The following CTNNA3 variants were observed in gnomAD, a reference collection of about 807,000 sequenced individuals.
CTNNA3 encodes catenin alpha-3.
Under a neutral mutation model 95.7 loss-of-function variants are expected in CTNNA3, and 76 were observed. The ratio of observed to expected loss-of-function variants is 0.79; its 90% CI spans 0.66 to 0.96. The LOEUF (loss-of-function observed/expected upper bound fraction) is 0.96, where lower values mean the gene tolerates loss of function less well. Among genes scored for constraint, CTNNA3 ranks in the 40% least tolerant of loss-of-function variants. CTNNA3 has a pLI of 0.00. For synonymous variants in CTNNA3, 431 were observed against 374.4 expected (o/e 1.15, Z -1.74); for missense variants, 1,191 against 1,089.8 (o/e 1.09, Z -1.31).
At chr10:67,692,555 A>C (rs1840886859) in intron 1 of CTNNA3, among the ~76,000 whole-genome samples, 1 of 138,858 alleles carries the variant, frequency 7.2e-6, no homozygotes, top group East Asian at 2.0e-4. Context: ...GCTCCTTAAG[A>C]GTCATCACCA....
intron 6 of CTNNA3, among the ~76,000 whole-genome samples, chr10:67,189,719 G>A (rs1030099953): frequency 6.6e-6 from 1 of 152,028 alleles, no homozygotes; most frequent in Non-Finnish European, 1.5e-5. Flanking sequence ...GCTAGAAGCA[G>A]AAAGACTGAA....
At chr10:67,620,903 A>ATG (rs1244995621) in intron 2 of CTNNA3, among the ~76,000 whole-genome samples, 3,385 of 125,986 alleles carry the variant, frequency 0.027, 81 homozygotes, top group African/African-American at 0.037. Context: ...ATATATGTAT[A>ATG]TGTGTGTGTG....
Position 66,927,069 on chromosome 10 carries a change from A to C in CTNNA3, c.1048-151545T>G. 2 of 1,614,182 alleles carry C rather than the reference A, an allele frequency of 1.2e-6. No individual in the cohort carries two copies. Among genetic ancestry groups the C allele is most frequent in the Non-Finnish European group, 1.7e-6 (2 of 1,180,040 alleles). On this transcript the variant is annotated intron_variant, in intron 7 of 17. Transcript: ENST00000433211. This position sits in a 1 kb window ranked among gnomAD's most constrained non-coding sequence, Gnocchi z 4.7. ...AAATGGTATATTGTGAATCTCAGAA[A>C]TTACAGGAGATACCCTCAAGTATAT... is the stretch of plus-strand genomic sequence containing the variant.
chr10:67,588,220 A>T (rs12265217), intron 3 of CTNNA3, among the ~76,000 whole-genome samples: 19,494 of 139,698 alleles, frequency 0.14, 2,259 homozygotes, highest in African/African-American at 0.35. Flanking sequence ...TTTTGTTAAG[A>T]TCTATCTTAT....
intron 15 of CTNNA3, among the ~76,000 whole-genome samples, chr10:66,007,780 T>TTCC (rs374562601): frequency 0.019 from 2,143 of 110,304 alleles, 103 homozygotes; most frequent in African/African-American, 0.074. Flanking sequence ...CTTCCTTCCT[T>TTCC]TCCTCCCTTC....
At chr10:66,759,962 C>A (rs895981756) in intron 9 of CTNNA3, among the ~76,000 whole-genome samples, 2 of 152,064 alleles carry the variant, frequency 1.3e-5, no homozygotes, top group African/African-American at 4.8e-5. Context: ...CATGTAATTT[C>A]TTTCAATTCC....
intron 10 of CTNNA3, among the ~76,000 whole-genome samples, chr10:66,591,587 C>G (rs1046459806): frequency 2.0e-5 from 3 of 152,164 alleles, no homozygotes; most frequent in African/African-American, 7.2e-5. Flanking sequence ...CTGAAACTTA[C>G]CCCTCTTTTA....
intron 12 of CTNNA3, among the ~76,000 whole-genome samples, chr10:66,312,840 C>T (rs1019155498): frequency 6.6e-6 from 1 of 152,156 alleles, no homozygotes; most frequent in Non-Finnish European, 1.5e-5. Context: ...CTACAATGCC[C>T]GGTGGGATTG....
At chr10:65,950,055 A>G (rs1015619519) in intron 17 of CTNNA3, among the ~76,000 whole-genome samples, 1 of 152,184 alleles carries the variant, frequency 6.6e-6, no homozygotes, top group East Asian at 1.9e-4. Context: ...AAAAAAATCA[A>G]TGTTTAATAA....
intron 11 of CTNNA3, among the ~76,000 whole-genome samples, chr10:66,431,015 G>T (rs1446606654): frequency 6.6e-6 from 1 of 151,560 alleles, no homozygotes; most frequent in Non-Finnish European, 1.5e-5. Context: ...CTGACAAAGG[G>T]CTAATATCCA....
intron 5 of CTNNA3, among the ~76,000 whole-genome samples, chr10:67,225,186 C>G (rs1003526665): frequency 6.6e-6 from 1 of 152,124 alleles, no homozygotes; most frequent in Middle Eastern, 3.2e-3. Flanking sequence ...ACCTGGGAAT[C>G]TCACTCCCAC....
chr10:67,269,969 G>A (rs1838896831), intron 5 of CTNNA3, among the ~76,000 whole-genome samples: 1 of 152,034 alleles, frequency 6.6e-6, no homozygotes, highest in Admixed American at 6.6e-5. Flanking sequence ...TGCCTTTGAG[G>A]TCTGTACTGA....
At chr10:66,210,875 A>T (rs1589741336) in intron 13 of CTNNA3, among the ~76,000 whole-genome samples, 1 of 152,324 alleles carries the variant, frequency 6.6e-6, no homozygotes, top group Admixed American at 6.5e-5. Context: ...TTTGGGGCCT[A>T]GGCCACCTTG....
chr10:66,092,978 G>A (rs770373312), intron 14 of CTNNA3, among the ~76,000 whole-genome samples: 3 of 151,758 alleles, frequency 2.0e-5, no homozygotes, highest in Non-Finnish European at 2.9e-5. Flanking sequence ...ATTAGCTATT[G>A]AATATTAATT....
intron 5 of CTNNA3, among the ~76,000 whole-genome samples, chr10:67,353,312 A>G (rs1564589236): frequency 1.3e-5 from 2 of 151,946 alleles, no homozygotes; most frequent in African/African-American, 4.8e-5. Context: ...GAACTACAAA[A>G]AGAGAGAGAG....
chr10:66,330,058 G>A (rs2092305854), intron 12 of CTNNA3, among the ~76,000 whole-genome samples: 1 of 151,978 alleles, frequency 6.6e-6, no homozygotes, highest in Admixed American at 6.6e-5. Context: ...TGAAAAAGAA[G>A]TAAGCACATA....
intron 11 of CTNNA3, among the ~76,000 whole-genome samples, chr10:66,422,860 C>A (rs2093207149): frequency 7.5e-6 from 1 of 134,126 alleles, no homozygotes; most frequent in African/African-American, 3.0e-5. Context: ...GAACCCCTGA[C>A]CTCAAGTGAT....
At chr10:66,054,548 C>A (rs1239655820) in intron 15 of CTNNA3, among the ~76,000 whole-genome samples, 1 of 152,094 alleles carries the variant, frequency 6.6e-6, no homozygotes, top group African/African-American at 2.4e-5. Context: ...CTATGCAGAT[C>A]TTTTGTACAT....
chr10:66,499,806 CTTTTTT>C (rs34040723), intron 11 of CTNNA3, among the ~76,000 whole-genome samples: 23 of 140,672 alleles, frequency 1.6e-4, no homozygotes, highest in African/African-American at 5.8e-4. Context: ...GTTGCATTTC[CTTTTTT>C]TTTTTTTTTT....
Sources: gnomAD v4.1 joint callset for allele counts (sites outside exome capture counted in the v4.1 genomes callset) on GRCh38, gnomAD v4.1.1 for gene constraint, Gnocchi (gnomAD v3.1) non-coding constraint, MANE v1.5 for transcripts, NCBI Gene and HGNC (gene_info 2026-07-23, HGNC 2026-07-21) for gene names.